NAV2: variants seen among roughly 807,000 people sequenced by gnomAD.
NAV2 encodes helicase, APC down-regulated 1.
Under a neutral mutation model 223.2 loss-of-function variants are expected in NAV2, and 54 were observed. The ratio of observed to expected loss-of-function variants is 0.24; its 90% CI spans 0.19 to 0.30. NAV2 has a LOEUF of 0.30. Among genes scored for constraint, NAV2 ranks in the 10% least tolerant of loss-of-function variants. NAV2 has a pLI of 1.00. For synonymous variants in NAV2, 1,279 were observed against 1,239.3 expected (o/e 1.03, Z -0.67); for missense variants, 2,806 against 3,147.5 (o/e 0.89, Z 2.60).
chr11:19,432,297 G>A (rs1851066314), intron 1 of NAV2, among the ~76,000 whole-genome samples: 2 of 151,774 alleles, frequency 1.3e-5, no homozygotes, highest in Non-Finnish European at 2.9e-5. Flanking sequence ...TTCCTCTCCT[G>A]TGGCCCACCC....
At chr11:19,703,008 C>T (rs560960927) in intron 1 of NAV2, among the ~76,000 whole-genome samples, 6 of 150,838 alleles carry the variant, frequency 4.0e-5, no homozygotes, top group South Asian at 2.1e-4. Context: ...CAATTCGACA[C>T]GATTCCTTCC....
intron 1 of NAV2, among the ~76,000 whole-genome samples, chr11:19,580,146 C>A (rs1275697903): frequency 6.6e-6 from 1 of 152,082 alleles, no homozygotes; most frequent in Non-Finnish European, 1.5e-5. Context: ...GCTTCCAGGG[C>A]TCGCTAATTT....
intron 1 of NAV2, among the ~76,000 whole-genome samples, chr11:19,698,407 C>T (rs928985307): frequency 1.3e-5 from 2 of 152,206 alleles, no homozygotes; most frequent in African/African-American, 4.8e-5. Context: ...GCCCAGAGAG[C>T]CCTGGTGGAG....
intron 1 of NAV2, among the ~76,000 whole-genome samples, chr11:19,657,143 C>T (rs987509870): frequency 6.6e-6 from 1 of 152,064 alleles, no homozygotes; most frequent in Non-Finnish European, 1.5e-5. Context: ...TATTAAAATC[C>T]ATGGGAATGC....
At position 19,713,603 on chromosome 11, in the gene NAV2, C is replaced by A; in HGVS notation, c.-93C>A. On this transcript the variant is annotated 5_prime_UTR_variant, in exon 1 of 38. Transcript: ENST00000349880. The surrounding 1 kb of genome is among the most constrained non-coding windows in gnomAD (Gnocchi z 7.2). ...TGGTGGGCGCCTCGTGGGCTAAGGC[C>A]CGGCGCCTGCTCTGCTACCCGCGCT... 1.4e-6 allele frequency: 2 copies of A among 1,446,806 alleles called. No homozygotes were observed. The highest frequency in any genetic ancestry group is 1.8e-6 in the Non-Finnish European group (2 of 1,099,092). The allele number at this position is 1,446,806 out of a possible 1,614,324, so 89.6% of individuals were successfully genotyped here.
intron 11 of NAV2, among the ~76,000 whole-genome samples, chr11:20,017,120 G>A (rs1401646356): frequency 1.3e-5 from 2 of 152,190 alleles, no homozygotes; most frequent in Non-Finnish European, 2.9e-5. Flanking sequence ...AAGTGGAAAA[G>A]GAATGGGGGA....
intron 1 of NAV2, among the ~76,000 whole-genome samples, chr11:19,579,911 A>T (rs575277256): frequency 6.6e-6 from 1 of 152,320 alleles, no homozygotes; most frequent in South Asian, 2.1e-4. Context: ...TAAAACCCAG[A>T]GGCCCAGCAC....
At chr11:19,468,821 C>A (rs904469490) in intron 1 of NAV2, among the ~76,000 whole-genome samples, 4 of 152,016 alleles carry the variant, frequency 2.6e-5, no homozygotes, top group South Asian at 2.1e-4. Flanking sequence ...TTTGAGGTAG[C>A]TTTTTATTTC....
intron 6 of NAV2, among the ~76,000 whole-genome samples, chr11:19,915,869 T>G (rs113154029): frequency 6.6e-6 from 1 of 152,198 alleles, no homozygotes; most frequent in Admixed American, 6.5e-5. Flanking sequence ...TGTTAAGTAC[T>G]TTAATATTTG....
chr11:19,935,866 T>TTTTTTTG (rs2045841709), intron 7 of NAV2, among the ~76,000 whole-genome samples: 1 of 122,968 alleles, frequency 8.1e-6, no homozygotes, highest in Non-Finnish European at 1.8e-5. Flanking sequence ...TTTTTTTTTT[T>TTTTTTTG]TTTTTTTTTG....
chr11:19,637,565 T>A (rs1324185792), intron 1 of NAV2, among the ~76,000 whole-genome samples: 1 of 152,278 alleles, frequency 6.6e-6, no homozygotes, highest in Non-Finnish European at 1.5e-5. Context: ...TTCTGCAGGC[T>A]GTACAGGAAG....
chr11:19,892,455 G>C lies in NAV2; in HGVS notation c.792G>C (p.Arg264Ser). Residue 264 changes from arginine to serine, a missense_variant, in exon 6 of 38, where the codon AGG becomes AGC. Around this residue, in one of 4 missense-constraint regions of NAV2, gnomAD observed 1,167 missense variants for 1,180.5 expected, o/e 0.99. Transcript: ENST00000349880. ...TTAGACTTCCAGGTCCTACCGCGAG[G>C]GTATCCGCTGCAGGCAGCGAGGCCA... ...MQSRLPGPTARVSAAGSEAKT... is the reference protein window; with the variant it reads ...MQSRLPGPTASVSAAGSEAKT... The C allele has an allele frequency of 6.2e-7, 1 of 1,614,018 alleles. No homozygotes were observed. The highest frequency in any genetic ancestry group is 8.5e-7 in the Non-Finnish European group (1 of 1,179,974).
intron 1 of NAV2, among the ~76,000 whole-genome samples, chr11:19,654,173 C>A (rs1394862292): frequency 6.6e-6 from 1 of 152,116 alleles, no homozygotes; most frequent in African/African-American, 2.4e-5. Context: ...ACCTAGGAAT[C>A]CAACTTACAA....
At chr11:19,832,416 C>G in intron 1 of NAV2, 68 bp from the exon 2 acceptor site, 1 of 1,237,834 alleles carries the variant, frequency 8.1e-7, no homozygotes, top group Non-Finnish European at 1.2e-6. Flanking sequence ...CCGGCCCGAG[C>G]AGCTGCCTCA....
intron 1 of NAV2, among the ~76,000 whole-genome samples, chr11:19,633,151 C>T (rs1210359341): frequency 6.6e-6 from 1 of 152,112 alleles, no homozygotes; most frequent in Admixed American, 6.5e-5. Flanking sequence ...ATTCCGTGCC[C>T]CCAGCTCCTC....
chr11:19,457,750 AT>A (rs1454137008), intron 1 of NAV2, among the ~76,000 whole-genome samples: 1 of 152,158 alleles, frequency 6.6e-6, no homozygotes, highest in Admixed American at 6.6e-5. Flanking sequence ...AAGGAGACAG[AT>A]TTTGTAACAA....
chr11:19,433,409 G>A (rs764531369), intron 1 of NAV2, among the ~76,000 whole-genome samples: 9 of 152,176 alleles, frequency 5.9e-5, no homozygotes, highest in Admixed American at 2.0e-4. Flanking sequence ...AAGGTGCCCC[G>A]CAAGCATGAG....
chr11:19,898,807 A>G (rs1345596963), intron 6 of NAV2, among the ~76,000 whole-genome samples: 1 of 152,220 alleles, frequency 6.6e-6, no homozygotes, highest in Non-Finnish European at 1.5e-5. Context: ...TACATACTTG[A>G]TAGCACTTTT....
intron 1 of NAV2, among the ~76,000 whole-genome samples, chr11:19,437,635 A>T (rs1851259586): frequency 6.6e-6 from 1 of 152,196 alleles, no homozygotes; most frequent in African/African-American, 2.4e-5. Context: ...TCTATTTGTA[A>T]AAAGGTTGTT....
Sources: gnomAD v4.1 joint callset for allele counts (sites outside exome capture counted in the v4.1 genomes callset) on GRCh38, gnomAD v4.1.1 for gene constraint, gnomAD v4.1.1 regional missense constraint, Gnocchi (gnomAD v3.1) non-coding constraint, MANE v1.5 for transcripts, NCBI Gene and HGNC (gene_info 2026-07-23, HGNC 2026-07-21) for gene names.